The following CEP128 variants were observed in gnomAD, a reference collection of about 807,000 sequenced individuals.
CEP128 encodes the protein centrosomal protein 128.
In CEP128, 132 loss-of-function variants were observed where a neutral mutation model predicts 156.7. The observed-to-expected ratio is 0.84, with a 90% confidence interval of 0.73 to 0.97. The LOEUF (loss-of-function observed/expected upper bound fraction) is 0.97. CEP128 is among the 50% of genes least tolerant of loss of function. The pLI, the probability that CEP128 is intolerant of heterozygous loss-of-function variation, is 0.00. For missense variants in CEP128, 1,252 were observed against 1,281.9 expected (o/e 0.98, Z 0.36); for synonymous variants, 469 against 448.9 (o/e 1.04, Z -0.57).
chr14:80,775,129 C>T (rs1044418884), intron 16 of CEP128, among the ~76,000 whole-genome samples: 1 of 152,098 alleles, frequency 6.6e-6, no homozygotes, highest in Non-Finnish European at 1.5e-5. Context: ...TACCAGATAC[C>T]ATGCCAAGCA....
chr14:80,930,721 G>T (rs1251699592), intron 2 of CEP128, among the ~76,000 whole-genome samples: 1 of 152,174 alleles, frequency 6.6e-6, no homozygotes, highest in Admixed American at 6.5e-5. Flanking sequence ...AGCCTCTGGA[G>T]TTTTTCAAAA....
intron 2 of CEP128, among the ~76,000 whole-genome samples, chr14:80,938,524 G>A (rs1193856745): frequency 6.6e-6 from 1 of 152,124 alleles, no homozygotes; most frequent in East Asian, 1.9e-4. Flanking sequence ...TGGGATTACA[G>A]GCGTGAGCCA....
chr14:80,622,491 C>T (rs1893521382), intron 19 of CEP128, among the ~76,000 whole-genome samples: 1 of 148,990 alleles, frequency 6.7e-6, no homozygotes, highest in Non-Finnish European at 1.5e-5. Flanking sequence ...TTCTGCACAG[C>T]AAAAGAAACT....
At chr14:80,844,613 G>A (rs1341393017) in intron 9 of CEP128, among the ~76,000 whole-genome samples, 4 of 152,104 alleles carry the variant, frequency 2.6e-5, no homozygotes, top group Non-Finnish European at 5.9e-5. Context: ...ATATCACGTA[G>A]TTAAGTAGGA....
chr14:80,560,826 T>C (rs901002839), intron 20 of CEP128, among the ~76,000 whole-genome samples: 4 of 152,176 alleles, frequency 2.6e-5, no homozygotes, highest in African/African-American at 9.7e-5. Flanking sequence ...TCCTTGCTCC[T>C]CAGCTTGCAG....
At chr14:80,578,025 C>T (rs564943081) in intron 20 of CEP128, among the ~76,000 whole-genome samples, 1 of 152,292 alleles carries the variant, frequency 6.6e-6, no homozygotes, top group South Asian at 2.1e-4. Context: ...CTACCTCAAT[C>T]GTACTTAATT....
intron 19 of CEP128, among the ~76,000 whole-genome samples, chr14:80,701,865 G>A (rs1012166006): frequency 1.9e-4 from 29 of 152,226 alleles, no homozygotes; most frequent in African/African-American, 6.0e-4. Flanking sequence ...CAAACAGGCC[G>A]GATACATTGC....
At chr14:80,934,677 T>C (rs1885682402) in intron 2 of CEP128, among the ~76,000 whole-genome samples, 1 of 152,202 alleles carries the variant, frequency 6.6e-6, no homozygotes. Context: ...AGTCCCTTTT[T>C]TGCAAATGAA....
At chr14:80,903,904 G>T (rs1400112233) in intron 6 of CEP128, among the ~76,000 whole-genome samples, 3 of 152,012 alleles carry the variant, frequency 2.0e-5, no homozygotes. Flanking sequence ...ACGTAAACTA[G>T]TACAGCCATT....
chr14:80,596,961 G>C (rs1254952972), intron 19 of CEP128, among the ~76,000 whole-genome samples: 1 of 150,242 alleles, frequency 6.7e-6, no homozygotes, highest in East Asian at 2.0e-4. Context: ...GCATGCATTT[G>C]AAAAGAGGAA....
chr14:80,539,279 G>T (rs1178329919), intron 21 of CEP128, among the ~76,000 whole-genome samples: 2 of 152,096 alleles, frequency 1.3e-5, no homozygotes, highest in African/African-American at 4.8e-5. Context: ...TAGACACAGG[G>T]GTCTGTGACA....
intron 19 of CEP128, among the ~76,000 whole-genome samples, chr14:80,635,527 C>T (rs1337403728): frequency 2.0e-5 from 3 of 152,096 alleles, no homozygotes; most frequent in East Asian, 1.9e-4. Flanking sequence ...CTAAAATTTA[C>T]GCTGCAAGAA....
intron 14 of CEP128, among the ~76,000 whole-genome samples, chr14:80,790,708 A>G (rs1459560433): frequency 6.6e-6 from 1 of 152,180 alleles, no homozygotes; most frequent in African/African-American, 2.4e-5. Flanking sequence ...GAAAAAAGAA[A>G]TAAATCAGAG....
intron 19 of CEP128, among the ~76,000 whole-genome samples, chr14:80,646,935 T>G (rs569881178): frequency 3.4e-4 from 51 of 148,382 alleles, no homozygotes; most frequent in East Asian, 2.0e-4. Context: ...AATGTGTTTT[T>G]CAAAGAGCAA....
At chr14:80,503,849 A>T (rs1381040035) in intron 24 of CEP128, among the ~76,000 whole-genome samples, 1 of 152,218 alleles carries the variant, frequency 6.6e-6, no homozygotes, top group Non-Finnish European at 1.5e-5. Context: ...CAGCATTTAG[A>T]CTAAAATAAT....
chr14:80,667,928 A>C, intron 19 of CEP128, among the ~76,000 whole-genome samples: 1 of 152,080 alleles, frequency 6.6e-6, no homozygotes, highest in Non-Finnish European at 1.5e-5. Flanking sequence ...TATGACAAAG[A>C]CTTTTAAAAA....
intron 2 of CEP128, among the ~76,000 whole-genome samples, chr14:80,952,347 A>G (rs1249493824): frequency 1.3e-5 from 2 of 152,184 alleles, no homozygotes; most frequent in African/African-American, 4.8e-5. Context: ...TTACAAATTA[A>G]CAACAGAATA....
chr14:80,837,943 A>G (rs1243229214), intron 11 of CEP128, among the ~76,000 whole-genome samples: 4 of 152,220 alleles, frequency 2.6e-5, no homozygotes, highest in Non-Finnish European at 5.9e-5. Context: ...TGCTCATGCT[A>G]AGACAGATAA....
chr14:80,912,775 AAT>A (rs1884322695), intron 4 of CEP128, among the ~76,000 whole-genome samples: 1 of 46,486 alleles, frequency 2.2e-5, no homozygotes, highest in Non-Finnish European at 5.4e-5. Context: ...AAAAAAAAAT[AAT>A]AATAATAACA....
Sources: gnomAD v4.1 joint callset for allele counts (sites outside exome capture counted in the v4.1 genomes callset) on GRCh38, gnomAD v4.1.1 for gene constraint, MANE v1.5 for transcripts, NCBI Gene and HGNC (gene_info 2026-07-23, HGNC 2026-07-21) for gene names.